The following LRRC4C variants were observed in gnomAD, a reference collection of about 807,000 sequenced individuals.
The protein encoded by LRRC4C is leucine rich repeat containing 4C, also known as leucine-rich repeat-containing protein 4C.
Under a neutral mutation model 33.6 loss-of-function variants are expected in LRRC4C, and 5 were observed. That is an observed-to-expected ratio of 0.15 (90% confidence interval 0.08 to 0.31). The LOEUF (loss-of-function observed/expected upper bound fraction) is 0.31. LRRC4C is among the 10% of genes least tolerant of loss of function. The pLI is 1.00. For missense variants in LRRC4C, 560 were observed against 796.7 expected, an observed-to-expected ratio of 0.70 and a Z score of 3.58; for synonymous variants, 329 against 302.0, an observed-to-expected ratio of 1.09 and a Z score of -0.93.
At chr11:40,932,845 A>G (rs1399409158) in intron 2 of LRRC4C, among the ~76,000 whole-genome samples, 1 of 152,194 alleles carries the variant, frequency 6.6e-6, no homozygotes, top group Non-Finnish European at 1.5e-5. Context: ...GTCACATCCT[A>G]TTCAGGACTA....
At chr11:40,767,495 G>A (rs1012202862) in intron 2 of LRRC4C, among the ~76,000 whole-genome samples, 1 of 151,914 alleles carries the variant, frequency 6.6e-6, no homozygotes, top group Non-Finnish European at 1.5e-5. Context: ...TTTACAGAAG[G>A]TTTTATTCAT....
At chr11:41,181,139 T>C (rs983763503) in intron 1 of LRRC4C, among the ~76,000 whole-genome samples, 1 of 152,336 alleles carries the variant, frequency 6.6e-6, no homozygotes, top group African/African-American at 2.4e-5. Flanking sequence ...CAAAATGTTT[T>C]CTTCTGTGGT....
At chr11:40,412,659 C>T (rs1181980904) in intron 3 of LRRC4C, among the ~76,000 whole-genome samples, 1 of 151,936 alleles carries the variant, frequency 6.6e-6, no homozygotes, top group Non-Finnish European at 1.5e-5. Flanking sequence ...AATATTTCTG[C>T]CAAATTATTT....
intron 2 of LRRC4C, among the ~76,000 whole-genome samples, chr11:40,708,189 G>GT (rs531737921): frequency 1.5e-4 from 22 of 151,566 alleles, no homozygotes; most frequent in Non-Finnish European, 2.4e-4. Context: ...TTTTTGAAGG[G>GT]TTTTTTTTAT....
chr11:40,523,973 G>A (rs560193231), intron 3 of LRRC4C, among the ~76,000 whole-genome samples: 289 of 151,988 alleles, frequency 1.9e-3, no homozygotes, highest in Non-Finnish European at 3.4e-3. Context: ...ATTTTTCTTC[G>A]CAAATAAAAC....
At chr11:40,973,054 C>T (rs1202087735) in intron 1 of LRRC4C, among the ~76,000 whole-genome samples, 1 of 152,126 alleles carries the variant, frequency 6.6e-6, no homozygotes, top group Non-Finnish European at 1.5e-5. Flanking sequence ...TCATGTGAGA[C>T]ATTCCTGCTT....
chr11:40,257,241 A>G (rs1867281041), intron 4 of LRRC4C, among the ~76,000 whole-genome samples: 1 of 149,630 alleles, frequency 6.7e-6, no homozygotes, highest in South Asian at 2.2e-4. Flanking sequence ...AAAGGATTCT[A>G]TTGGCTGAGT....
intron 2 of LRRC4C, among the ~76,000 whole-genome samples, chr11:40,665,994 A>G (rs1438637852): frequency 6.6e-6 from 1 of 152,128 alleles, no homozygotes; most frequent in Non-Finnish European, 1.5e-5. Flanking sequence ...GTGAATGTAG[A>G]AAGTTTGGCT....
chr11:41,233,058 A>G (rs1212471399), intron 1 of LRRC4C, among the ~76,000 whole-genome samples: 1 of 152,130 alleles, frequency 6.6e-6, no homozygotes, highest in East Asian at 1.9e-4. Context: ...AAGTAAAACC[A>G]TTATATTTCT....
At position 40,775,828 on chromosome 11, in the gene LRRC4C, G is replaced by A. The variant is rs146326564; in HGVS notation, c.-406-127550C>T. On this transcript the variant is annotated intron_variant, in intron 2 of 6. Coordinates refer to ENST00000528697, the MANE Select transcript of LRRC4C (RefSeq NM_001258419.2). Reference sequence around the variant, plus strand: ...CAGCACCCTGTTGAACAGGAATGGTGAGAATAAACATTATTATCTTGTACC... The same window carrying A: ...CAGCACCCTGTTGAACAGGAATGGTAAGAATAAACATTATTATCTTGTACC... 9.5e-4 allele frequency among the ~76,000 whole-genome samples: 145 copies of A among 152,282 alleles called. 1 individual carries two copies. Among genetic ancestry groups the A allele is most frequent in the African/African-American group, 3.2e-3 (135 of 41,542 alleles).
chr11:40,900,982 A>C (rs1398074211), intron 2 of LRRC4C, among the ~76,000 whole-genome samples: 1 of 152,084 alleles, frequency 6.6e-6, no homozygotes, highest in Non-Finnish European at 1.5e-5. Context: ...ATGGTATTTG[A>C]AGGTTTTATG....
chr11:40,857,754 G>T (rs1565140202), intron 2 of LRRC4C, among the ~76,000 whole-genome samples: 1 of 151,788 alleles, frequency 6.6e-6, no homozygotes, highest in Non-Finnish European at 1.5e-5. Flanking sequence ...GTCTTTACAA[G>T]AAATACAAAA....
chr11:40,333,891 G>C (rs1188974371), intron 3 of LRRC4C, among the ~76,000 whole-genome samples: 4 of 151,926 alleles, frequency 2.6e-5, no homozygotes. Flanking sequence ...TTGTTGTGTG[G>C]AAGAGAGAGA....
chr11:40,472,883 A>T (rs1385056084), intron 3 of LRRC4C, among the ~76,000 whole-genome samples: 1 of 152,214 alleles, frequency 6.6e-6, no homozygotes, highest in Non-Finnish European at 1.5e-5. Flanking sequence ...CTGGACACAT[A>T]CACCCTCCCA....
intron 2 of LRRC4C, among the ~76,000 whole-genome samples, chr11:40,876,297 C>T (rs996630404): frequency 5.0e-5 from 5 of 100,436 alleles, no homozygotes; most frequent in Non-Finnish European, 3.7e-5. Flanking sequence ...GGGAGTAATG[C>T]TGAAACCCTT....
chr11:40,471,038 C>T (rs1317243373), intron 3 of LRRC4C, among the ~76,000 whole-genome samples: 2 of 152,078 alleles, frequency 1.3e-5, no homozygotes, highest in African/African-American at 4.8e-5. Flanking sequence ...CAGAGAACAC[C>T]ACAAAGGTAC....
In LRRC4C at chr11:40,339,332, A is replaced by T. The variant is rs533430831; in HGVS notation, c.-269-19611T>A. Among the ~76,000 whole-genome samples, 5 of 152,264 alleles carry T rather than the reference A, an allele frequency of 3.3e-5. No individual in the cohort carries two copies. In the South Asian group the frequency reaches 6.2e-4, roughly 19 times the overall value. On this transcript the variant is annotated intron_variant, in intron 3 of 6. Transcript: ENST00000528697. The stretch of plus-strand genomic sequence containing the variant: ...ATAAAAATAGCATGGGTTATAGAAT[A>T]AAAAAACACCTCGAACTCCATATGT...
At chr11:40,283,774 G>A (rs973889576) in intron 4 of LRRC4C, among the ~76,000 whole-genome samples, 15 of 134,066 alleles carry the variant, frequency 1.1e-4, no homozygotes, top group Non-Finnish European at 2.3e-4. Flanking sequence ...GCGTGATTTC[G>A]GCTCACCACA....
rs72888406 is a variant in LRRC4C at position 41,011,412 on chromosome 11, T to C, written c.-495-77689A>G. On this transcript the variant is annotated intron_variant, in intron 1 of 6. Coordinates refer to ENST00000528697, the MANE Select transcript of LRRC4C (RefSeq NM_001258419.2). ...AATATGAATACTAATTGTTCTAGTG[T>C]TTTGTAGCTGGTTGGGTCTTTCAAT... Among the ~76,000 whole-genome samples the C allele has an allele frequency of 3.6e-3, 543 of 152,298 alleles. 1 individual carries two copies. The highest frequency in any genetic ancestry group is 4.9e-3 in the Non-Finnish European group (331 of 68,016).
Sources: allele counts gnomAD v4.1 joint callset (sites outside exome capture counted in the v4.1 genomes callset), GRCh38; gene constraint gnomAD v4.1.1; transcripts MANE v1.5; gene names NCBI Gene and HGNC (gene_info 2026-07-23, HGNC 2026-07-21).